The following BAZ2B variants were observed in gnomAD, a reference collection of about 807,000 sequenced individuals.
BAZ2B encodes the protein bromodomain adjacent to zinc finger domain protein 2B.
A neutral mutation model predicts 246.0 loss-of-function variants in BAZ2B; 91 were observed. The ratio of observed to expected loss-of-function variants is 0.37; its 90% CI spans 0.31 to 0.44. The LOEUF (loss-of-function observed/expected upper bound fraction) is 0.44, where lower values mean the gene tolerates loss of function less well. Among genes scored for constraint, BAZ2B ranks in the 20% least tolerant of loss-of-function variants. The pLI is 1.00. For missense variants in BAZ2B, 2,332 were observed against 2,533.7 expected (o/e 0.92, Z 1.71); for synonymous variants, 855 against 860.0 (o/e 0.99, Z 0.10).
Position 159,398,857 on chromosome 2 carries a change from T to C in BAZ2B, c.2936A>G (p.Lys979Arg). Residue 979 changes from lysine (K) to arginine (R), a missense_variant, in exon 18 of 37, where the codon AAA (lysine) becomes AGA (arginine). Physicochemically the swap from Lys to Arg is conservative, Grantham distance 26 (BLOSUM62 2). Transcript: ENST00000392783. ...TATTCGTTTCTCGGCCTCCAATAAT[T>C]TGGCATTTGCCGCTTCTTCCTTCTT... ...KKKKEEAANA[K>R]LLEAEKRIKE... 6.2e-7 allele frequency: 1 copy of C among 1,611,466 alleles called. No homozygotes were observed. The highest frequency in any genetic ancestry group is 8.5e-7 in the Non-Finnish European group (1 of 1,179,748).
At chr2:159,610,456 C>T (rs1347699068) in intron 1 of BAZ2B, among the ~76,000 whole-genome samples, 1 of 152,118 alleles carries the variant, frequency 6.6e-6, no homozygotes, top group Non-Finnish European at 1.5e-5. Flanking sequence ...AGGAGTGCAC[C>T]GTCTTTGATT....
At chr2:159,634,801 A>T in the BAZ2B span, among the ~76,000 whole-genome samples, 2 of 152,230 alleles carry the variant, frequency 1.3e-5, no homozygotes, top group Non-Finnish European at 2.9e-5. Flanking sequence ...AATGTCACTG[A>T]GTTTTGTTTA....
At chr2:159,572,084 G>A (rs1684163814) in intron 1 of BAZ2B, among the ~76,000 whole-genome samples, 1 of 152,194 alleles carries the variant, frequency 6.6e-6, no homozygotes, top group African/African-American at 2.4e-5. Flanking sequence ...TACGGGATTT[G>A]TAGAGTTTCC....
Position 159,564,211 on chromosome 2 carries a change from T to C in BAZ2B, c.-45-8346A>G, listed in dbSNP as rs1451145221. ...AGATAGAACAGAAGTGCCAAGGCCC[T>C]GAGTTGAGAAGGCCTGGTGTTTTCA... On this transcript the variant is annotated intron_variant, in intron 1 of 36. Transcript: ENST00000392783. Among the ~76,000 whole-genome samples, 3 of 152,120 alleles carry C rather than the reference T, an allele frequency of 2.0e-5. No homozygotes were observed. The East Asian group carries it at 5.8e-4, about 29-fold the overall frequency.
At chr2:159,629,754 C>T in the BAZ2B span, among the ~76,000 whole-genome samples, 2 of 152,056 alleles carry the variant, frequency 1.3e-5, no homozygotes, top group Non-Finnish European at 2.9e-5. Flanking sequence ...AGTAAACCAC[C>T]ATGGCATTTG....
intron 2 of BAZ2B, among the ~76,000 whole-genome samples, chr2:159,518,135 A>T (rs1360796011): frequency 6.6e-6 from 1 of 152,226 alleles, no homozygotes; most frequent in African/African-American, 2.4e-5. Flanking sequence ...ATGATTTATG[A>T]CCATCTTAGT....
chr2:159,574,969 CA>C (rs1447127608), intron 1 of BAZ2B, among the ~76,000 whole-genome samples: 8 of 129,226 alleles, frequency 6.2e-5, no homozygotes, highest in African/African-American at 1.2e-4. Context: ...GACTCCATCT[CA>C]AAAAAAAAAG....
intron 2 of BAZ2B, among the ~76,000 whole-genome samples, chr2:159,552,930 G>C (rs1295808339): frequency 1.3e-5 from 2 of 152,156 alleles, no homozygotes; most frequent in African/African-American, 4.8e-5. Context: ...GTATTAGAGA[G>C]ACAGTTTGAT....
chr2:159,438,529 A>T lies in BAZ2B; in HGVS notation c.1067T>A (p.Phe356Tyr), dbSNP rs1559420948. The T allele has an allele frequency of 1.2e-6, 2 of 1,614,146 alleles. No homozygotes were observed. Among genetic ancestry groups the T allele is most frequent in the Non-Finnish European group, 1.7e-6 (2 of 1,180,004 alleles). ...CTTTGCCTGAGAGCTTTGGAAAATA[A>T]ATGGAAGCTGCTGTGACAAAACCTG... Reference protein sequence around the residue: ...QPQVLSQQLPFIFQSSQAKEE... With the variant: ...QPQVLSQQLPYIFQSSQAKEE... The change falls in exon 8 of 37, where the codon TTT becomes TAT. Residue 356 changes from phenylalanine to tyrosine, a missense_variant. Around this residue, in one of 9 missense-constraint regions of BAZ2B, gnomAD observed 161 missense variants for 225.8 expected, o/e 0.71. Transcript: ENST00000392783.
At chr2:159,400,936 C>T (rs779889771) in intron 16 of BAZ2B, among the ~76,000 whole-genome samples, 36 of 151,766 alleles carry the variant, frequency 2.4e-4, no homozygotes, top group African/African-American at 7.5e-4. Context: ...CCCAACTACT[C>T]GGGAGGCTGA....
rs77204172 is a variant in BAZ2B at position 159,597,299 on chromosome 2, A to C, written c.-46+18943T>G. The stretch of plus-strand genomic sequence containing the variant: ...GTTCGAAACATTTTAAAGTTTAGAA[A>C]ATTTCACTCAACATTGATGGACTTG... On this transcript the variant is annotated intron_variant, in intron 1 of 36. Transcript: ENST00000392783. 6.8e-3 allele frequency among the ~76,000 whole-genome samples: 1,036 copies of C among 152,250 alleles called. 11 individuals carry two copies. Among genetic ancestry groups the C allele is most frequent in the Admixed American group, 0.024 (361 of 15,288 alleles).
At chr2:159,569,174 C>A (rs545369089) in intron 1 of BAZ2B, among the ~76,000 whole-genome samples, 1 of 151,956 alleles carries the variant, frequency 6.6e-6, no homozygotes, top group African/African-American at 2.4e-5. Context: ...TCAAAACAAC[C>A]AAAAAAGATT....
intron 1 of BAZ2B, among the ~76,000 whole-genome samples, chr2:159,557,601 G>A (rs2089343916): frequency 2.0e-5 from 3 of 152,078 alleles, no homozygotes; most frequent in African/African-American, 7.2e-5. Context: ...ACTTCAATCG[G>A]GTCTCATAAC....
the BAZ2B span, chr2:159,710,927 A>G: frequency 6.6e-6 from 1 of 152,200 alleles, no homozygotes; most frequent in African/African-American, 2.4e-5. Flanking sequence ...AAGAAACAAT[A>G]TTATTGGTGG....
the BAZ2B span, among the ~76,000 whole-genome samples, chr2:159,622,646 C>A: frequency 5.3e-5 from 8 of 152,010 alleles, no homozygotes; most frequent in Non-Finnish European, 1.2e-4. Context: ...GTAAAGCCTG[C>A]CTAAAAACAG....
intron 1 of BAZ2B, among the ~76,000 whole-genome samples, chr2:159,581,896 G>A (rs1578607856): frequency 7.9e-6 from 1 of 126,772 alleles, no homozygotes; most frequent in South Asian, 2.9e-4. Flanking sequence ...CACAGAGTCA[G>A]GAACATCACA....
intron 2 of BAZ2B, among the ~76,000 whole-genome samples, chr2:159,483,777 T>C (rs2079515977): frequency 1.3e-5 from 2 of 151,108 alleles, no homozygotes; most frequent in African/African-American, 2.4e-5. Context: ...TGAGACTCCG[T>C]CTCAAACAAA....
intron 2 of BAZ2B, among the ~76,000 whole-genome samples, chr2:159,540,546 G>A (rs940517813): frequency 1.3e-5 from 2 of 152,164 alleles, no homozygotes; most frequent in African/African-American, 4.8e-5. Flanking sequence ...TATGCACTGA[G>A]GATGATGTTT....
intron 2 of BAZ2B, among the ~76,000 whole-genome samples, chr2:159,524,729 A>AT (rs569043503): frequency 6.6e-6 from 1 of 152,180 alleles, no homozygotes; most frequent in East Asian, 1.9e-4. Context: ...AAATTACATA[A>AT]TTTTTTTGTA....
Sources: allele counts gnomAD v4.1 joint callset (sites outside exome capture counted in the v4.1 genomes callset), GRCh38; gene constraint gnomAD v4.1.1; regional missense constraint gnomAD v4.1.1; transcripts MANE v1.5; gene names NCBI Gene and HGNC (gene_info 2026-07-23, HGNC 2026-07-21).